ITPR1: variants seen among roughly 807,000 people sequenced by gnomAD.
The protein encoded by ITPR1 is inositol 1,4,5-trisphosphate-gated calcium channel ITPR1.
ITPR1 carries 96 observed loss-of-function variants against 318.4 expected under a neutral mutation model. The observed-to-expected ratio is 0.30, with a 90% CI of 0.26 to 0.36. The LOEUF is 0.36. Ranked by LOEUF, ITPR1 falls within the 10% of genes least tolerant of loss-of-function variation. The pLI is 1.00. For missense variants in ITPR1, 2,440 were observed against 3,460.2 expected (o/e 0.71, Z 7.40); for synonymous variants, 1,312 against 1,289.9 (o/e 1.02, Z -0.37).
intron 46 of ITPR1, 21 bp downstream of exon 46, chr3:4,768,785 G>C (rs370543987): frequency 3.1e-6 from 5 of 1,595,606 alleles, no homozygotes; most frequent in Non-Finnish European, 4.3e-6. Flanking sequence ...GGGGGTGGGG[G>C]CGTGGAGGGA....
At chr3:4,651,056 C>T (rs994551718) in intron 10 of ITPR1, among the ~76,000 whole-genome samples, 12 of 152,090 alleles carry the variant, frequency 7.9e-5, no homozygotes, top group Admixed American at 2.6e-4. Flanking sequence ...GTTAACTCCC[C>T]TTCCAAGATG....
At chr3:4,750,984 C>G (rs2044466081) in intron 44 of ITPR1, 1 of 152,878 alleles carries the variant, frequency 6.5e-6, no homozygotes, top group African/African-American at 2.4e-5. Context: ...AGGAGTCTTC[C>G]ATCTTGCCTG....
intron 4 of ITPR1, among the ~76,000 whole-genome samples, chr3:4,612,818 C>A (rs1177396840): frequency 1.3e-5 from 2 of 152,068 alleles, no homozygotes; most frequent in African/African-American, 4.8e-5. Context: ...ACCCAGGAGG[C>A]GGAGGTTGCA....
chr3:4,572,449 A>G (rs2088121481), intron 4 of ITPR1, among the ~76,000 whole-genome samples: 1 of 152,142 alleles, frequency 6.6e-6, no homozygotes, highest in Non-Finnish European at 1.5e-5. Flanking sequence ...TTATAAAAGA[A>G]CGCAAATTTG....
At position 4,781,076 on chromosome 3, in the gene ITPR1, C is replaced by A. The variant is rs185356488; in HGVS notation, c.6387+1431C>A. Reference sequence around the variant, plus strand: ...CGTGTGTATGCTCCTGGCCTCAAATCGCATGTAACATGTTGTCTGCTCGAT... The same window carrying A: ...CGTGTGTATGCTCCTGGCCTCAAATAGCATGTAACATGTTGTCTGCTCGAT... On this transcript the variant is annotated intron_variant, in intron 49 of 61. Transcript: ENST00000649015. Among the ~76,000 whole-genome samples, 9 of 152,336 alleles carry A rather than the reference C, an allele frequency of 5.9e-5. No individual in the cohort carries two copies. The East Asian group carries it at 1.4e-3, about 23-fold the overall frequency.
At chr3:4,831,148 C>CACACACACACACACAG (rs1483821700) in intron 60 of ITPR1, 4 of 381,406 alleles carry the variant, frequency 1.0e-5, no homozygotes, top group South Asian at 5.9e-5. Flanking sequence ...CACACACACA[C>CACACACACACACACAG]ACACACTCAC....
intron 54 of ITPR1, among the ~76,000 whole-genome samples, chr3:4,801,918 G>C (rs1026712588): frequency 2.0e-5 from 3 of 152,214 alleles, no homozygotes; most frequent in Non-Finnish European, 2.9e-5. Flanking sequence ...GTTATCAACA[G>C]ACAATAAATA....
At chr3:4,733,017 TG>T in intron 42 of ITPR1, 70 bp from the exon 43 acceptor site, 4 of 1,468,220 alleles carry the variant, frequency 2.7e-6, no homozygotes, top group Non-Finnish European at 3.8e-6. Flanking sequence ...TACCCCTGTG[TG>T]TTTTGAATAT....
chr3:4,624,505 C>G (rs1045259769), intron 4 of ITPR1, among the ~76,000 whole-genome samples: 9 of 151,892 alleles, frequency 5.9e-5, no homozygotes, highest in African/African-American at 2.2e-4. Flanking sequence ...CCCATCTCTA[C>G]TAAAAATACA....
intron 4 of ITPR1, among the ~76,000 whole-genome samples, chr3:4,537,325 G>A (rs304050): frequency 0.43 from 65,339 of 151,988 alleles, 15,580 homozygotes; most frequent in African/African-American, 0.66. Context: ...TTAAAGGGCT[G>A]TTTCTTCCTG....
chr3:4,676,316 G>A (rs1319058140), intron 23 of ITPR1, among the ~76,000 whole-genome samples: 2 of 151,990 alleles, frequency 1.3e-5, no homozygotes, highest in African/African-American at 2.4e-5. Context: ...CTGCACTCCA[G>A]CCTAGGTGAT....
At chr3:4,747,871 T>C (rs1041711674) in intron 44 of ITPR1, among the ~76,000 whole-genome samples, 5 of 152,356 alleles carry the variant, frequency 3.3e-5, no homozygotes, top group Middle Eastern at 3.4e-3. Context: ...TTCGCTTGCG[T>C]CTAAAGAAGC....
At chr3:4,799,477 G>T (rs1191285196) in intron 53 of ITPR1, among the ~76,000 whole-genome samples, 1 of 152,204 alleles carries the variant, frequency 6.6e-6, no homozygotes. Context: ...CCAGCAGCTG[G>T]TGGAAGAGCT....
rs532037891 is a variant in ITPR1, at chr3:4,639,465, A to T, written c.361A>T (p.Ile121Phe). The T allele has an allele frequency of 1.3e-6, 2 of 1,576,610 alleles. No individual in the cohort carries two copies. The highest frequency in any genetic ancestry group is 1.7e-6 in the Non-Finnish European group (2 of 1,159,912). ...GACCGTAATCCAGTATGGCAATGTGATCCAGGTAGGTCAAGGCAGCTCTTC... is the reference window on the plus strand; with the variant it reads ...GACCGTAATCCAGTATGGCAATGTGTTCCAGGTAGGTCAAGGCAGCTCTTC... ...LGTVIQYGNV[I>F]QLLHLKSNKY... is the part of the protein sequence containing the mutation. Residue 121 changes from isoleucine to phenylalanine, a missense_variant, in exon 6 of 62, where the codon ATC (isoleucine) becomes TTC (phenylalanine). This residue lies in a region of ITPR1 where 186 missense variants were observed against 323.9 expected (regional missense o/e 0.57). Coordinates refer to ENST00000649015, the MANE Select transcript of ITPR1 (RefSeq NM_001378452.1).
intron 2 of ITPR1, among the ~76,000 whole-genome samples, chr3:4,501,509 C>T (rs933387507): frequency 3.3e-5 from 5 of 152,224 alleles, no homozygotes; most frequent in African/African-American, 1.2e-4. Context: ...CGTGAAAATA[C>T]GAGAAGATAT....
chr3:4,495,672 A>G (rs1472458229), intron 2 of ITPR1, among the ~76,000 whole-genome samples: 1 of 152,250 alleles, frequency 6.6e-6, no homozygotes, highest in African/African-American at 2.4e-5. Context: ...CTTGTAAGCC[A>G]GGTCCAGAGC....
At chr3:4,576,667 G>T (rs537005945) in intron 4 of ITPR1, among the ~76,000 whole-genome samples, 1 of 152,216 alleles carries the variant, frequency 6.6e-6, no homozygotes, top group Non-Finnish European at 1.5e-5. Context: ...CCCGTTATCC[G>T]TGGAATGCTA....
At chr3:4,526,178 C>T (rs1481539727) in intron 4 of ITPR1, among the ~76,000 whole-genome samples, 1 of 152,184 alleles carries the variant, frequency 6.6e-6, no homozygotes, top group Non-Finnish European at 1.5e-5. Context: ...AAATGTGCAG[C>T]TTTTAACTTT....
chr3:4,680,590 G>T lies in ITPR1; in HGVS notation c.3005G>T (p.Cys1002Phe), dbSNP rs1347818634. 1 of 1,612,996 alleles carries T rather than the reference G, an allele frequency of 6.2e-7. No homozygotes were observed. The highest frequency in any genetic ancestry group is 8.5e-7 in the Non-Finnish European group (1 of 1,179,018). Residue 1002 changes from cysteine (C) to phenylalanine (F), a missense_variant, in exon 25 of 62, where the codon TGC becomes TTC. Around this residue, in one of 23 missense-constraint regions of ITPR1, gnomAD observed 57 missense variants for 46.2 expected, o/e 1.23. Coordinates refer to ENST00000649015, the MANE Select transcript of ITPR1 (RefSeq NM_001378452.1). ...LNVRLDYRISCLLCIFKREFD... is the reference protein window; with the variant it reads ...LNVRLDYRISFLLCIFKREFD... ...GTGAGGTTGGATTATAGGATCTCCT[G>T]CCTCCTGTGTATATTTAAGCGAGAG...
Sources: gnomAD v4.1 joint callset for allele counts (sites outside exome capture counted in the v4.1 genomes callset) on GRCh38, gnomAD v4.1.1 for gene constraint, gnomAD v4.1.1 regional missense constraint, MANE v1.5 for transcripts, NCBI Gene and HGNC (gene_info 2026-07-23, HGNC 2026-07-21) for gene names.